LRP1B: variants seen among roughly 807,000 people sequenced by gnomAD.
The protein encoded by LRP1B is low-density lipoprotein receptor-related protein 1B.
A neutral mutation model predicts 556.6 loss-of-function variants in LRP1B; 217 were observed. The ratio of observed to expected loss-of-function variants is 0.39; its 90% confidence interval spans 0.35 to 0.44. The LOEUF is 0.44. Among genes scored for constraint, LRP1B ranks in the 20% least tolerant of loss-of-function variants. The probability of loss-of-function intolerance (pLI) is 1.00; values close to 1 mark genes in which losing one functional copy is unlikely to be tolerated. For missense variants in LRP1B, 5,053 were observed against 5,620.8 expected, an observed-to-expected ratio of 0.90 and a Z score of 3.23; for synonymous variants, 2,047 against 1,865.8, an observed-to-expected ratio of 1.10 and a Z score of -2.50.
intron 1 of LRP1B, among the ~76,000 whole-genome samples, chr2:142,013,276 A>C (rs1225157857): frequency 2.6e-5 from 4 of 152,178 alleles, no homozygotes; most frequent in Non-Finnish European, 5.9e-5. Context: ...GAGGCTCTTA[A>C]AGGAAGTAAT....
intron 1 of LRP1B, among the ~76,000 whole-genome samples, chr2:142,124,542 A>G (rs1265389985): frequency 2.0e-5 from 3 of 151,852 alleles, no homozygotes; most frequent in African/African-American, 7.2e-5. Flanking sequence ...GTTTTTTTTA[A>G]TGTTTCACAA....
intron 2 of LRP1B, among the ~76,000 whole-genome samples, chr2:141,780,737 A>C (rs1205286512): frequency 6.6e-6 from 1 of 152,176 alleles, no homozygotes; most frequent in Non-Finnish European, 1.5e-5. Context: ...CATTCTGTGA[A>C]CTATATTAGA....
chr2:140,989,770 CAT>C (rs1697034744), intron 16 of LRP1B, 113 bp from the exon 17 acceptor site: 8 of 977,972 alleles, frequency 8.2e-6, no homozygotes, highest in East Asian at 2.7e-5. Context: ...CAATAAATGT[CAT>C]AGAGTCTGTC....
chr2:141,695,277 G>T (rs1447523574), intron 2 of LRP1B, among the ~76,000 whole-genome samples: 1 of 151,874 alleles, frequency 6.6e-6, no homozygotes, highest in Non-Finnish European at 1.5e-5. Flanking sequence ...GCCTCCTGGG[G>T]CAAATTTACT....
At chr2:141,642,747 C>A (rs1689386611) in intron 2 of LRP1B, among the ~76,000 whole-genome samples, 1 of 151,926 alleles carries the variant, frequency 6.6e-6, no homozygotes, top group South Asian at 2.1e-4. Context: ...TGAGAAAAGC[C>A]CCTTTGAACA....
chr2:141,439,401 C>T (rs1286971546), intron 3 of LRP1B, among the ~76,000 whole-genome samples: 1 of 151,638 alleles, frequency 6.6e-6, no homozygotes, highest in Non-Finnish European at 1.5e-5. Flanking sequence ...CTTATTATTC[C>T]ACTTTAGAAC....
chr2:141,637,850 A>ACCCGCC (rs1176947803), intron 2 of LRP1B, among the ~76,000 whole-genome samples: 1 of 152,194 alleles, frequency 6.6e-6, no homozygotes, highest in East Asian at 1.9e-4. Flanking sequence ...ATCCCTTATG[A>ACCCGCC]ATAGCTTAGC....
intron 1 of LRP1B, among the ~76,000 whole-genome samples, chr2:142,017,442 T>C (rs934228956): frequency 6.6e-6 from 1 of 152,326 alleles, no homozygotes; most frequent in Non-Finnish European, 1.5e-5. Flanking sequence ...TGTTGCATTC[T>C]AGGATTACCT....
At chr2:141,927,006 G>GATTGTT (rs1259497604) in intron 1 of LRP1B, among the ~76,000 whole-genome samples, 1 of 152,130 alleles carries the variant, frequency 6.6e-6, no homozygotes, top group African/African-American at 2.4e-5. Context: ...TTGTTAGTGT[G>GATTGTT]ATTGTTATTT....
intron 31 of LRP1B, among the ~76,000 whole-genome samples, chr2:140,831,400 G>A (rs1168464482): frequency 6.6e-6 from 1 of 152,032 alleles, no homozygotes. Flanking sequence ...TTTGACAAAG[G>A]CACCATGAAC....
chr2:141,972,321 G>A (rs1316827040), intron 1 of LRP1B, among the ~76,000 whole-genome samples: 1 of 151,354 alleles, frequency 6.6e-6, no homozygotes, highest in East Asian at 1.9e-4. Flanking sequence ...TCAGATAATT[G>A]TTAAATGTTA....
intron 43 of LRP1B, among the ~76,000 whole-genome samples, chr2:140,578,056 T>C (rs1229827021): frequency 6.6e-6 from 1 of 152,232 alleles, no homozygotes; most frequent in Non-Finnish European, 1.5e-5. Flanking sequence ...CACATCAGCT[T>C]AAATGTTCAT....
chr2:141,097,517 A>C (rs1344349029), intron 7 of LRP1B, among the ~76,000 whole-genome samples: 1 of 152,214 alleles, frequency 6.6e-6, no homozygotes, highest in Non-Finnish European at 1.5e-5. Flanking sequence ...AAAAGAAAAC[A>C]AAACTAAATT....
chr2:140,726,534 T>C (rs928279141), intron 35 of LRP1B, among the ~76,000 whole-genome samples: 1 of 152,056 alleles, frequency 6.6e-6, no homozygotes, highest in African/African-American at 2.4e-5. Context: ...AATGTGGGAG[T>C]GATATGACAA....
intron 49 of LRP1B, among the ~76,000 whole-genome samples, chr2:140,518,366 G>A (rs1463136746): frequency 6.6e-6 from 1 of 152,078 alleles, no homozygotes; most frequent in African/African-American, 2.4e-5. Context: ...CTGCATGCAT[G>A]TCCCTTTCTT....
chr2:141,170,037 C>T (rs916154089), intron 7 of LRP1B, among the ~76,000 whole-genome samples: 11 of 151,930 alleles, frequency 7.2e-5, no homozygotes, highest in Non-Finnish European at 1.3e-4. Context: ...TTTTGAAAAT[C>T]TCCTATGTTC....
intron 86 of LRP1B, among the ~76,000 whole-genome samples, chr2:140,250,112 T>C (rs964123145): frequency 2.0e-5 from 3 of 151,858 alleles, no homozygotes; most frequent in African/African-American, 7.2e-5. Context: ...ATCTTCAAGT[T>C]AGCCCTGCAC....
At chr2:141,542,233 A>G (rs1193412077) in intron 2 of LRP1B, among the ~76,000 whole-genome samples, 1 of 152,042 alleles carries the variant, frequency 6.6e-6, no homozygotes, top group Non-Finnish European at 1.5e-5. Flanking sequence ...TATAATAAAT[A>G]TACTAATACC....
chr2:140,950,320 T>C lies in LRP1B; in HGVS notation c.3051A>G (p.Arg1017=), dbSNP rs2105299929. The C allele has an allele frequency of 6.2e-7, 1 of 1,612,848 alleles. No homozygotes were observed. Among genetic ancestry groups the C allele is most frequent in the Non-Finnish European group, 8.5e-7 (1 of 1,179,270 alleles). The part of the protein sequence containing the change: ...FDNQFRCSSG[R]CIPGHWACDG... ...CACAGGCCCAGTGGCCTGGGATGCA[T>C]CTGCCACTGGAACATCTGAACTGAT... The change falls in exon 20 of 91, where the codon AGA becomes AGG. Residue 1017 remains arginine, a synonymous_variant. Coordinates refer to ENST00000389484, the MANE Select transcript of LRP1B (RefSeq NM_018557.3).
Sources: allele counts gnomAD v4.1 joint callset (sites outside exome capture counted in the v4.1 genomes callset), GRCh38; gene constraint gnomAD v4.1.1; transcripts MANE v1.5; gene names NCBI Gene and HGNC (gene_info 2026-07-23, HGNC 2026-07-21).